Variants in SGK2 observed in about 807,000 individuals in gnomAD.
The protein encoded by SGK2 is serum/glucocorticoid regulated kinase 2.
Under a neutral mutation model 47.5 loss-of-function variants are expected in SGK2, and 36 were observed. That is an observed-to-expected ratio of 0.76 (90% CI 0.58 to 1.00). SGK2 has a LOEUF of 1.00. Ranked by LOEUF, SGK2 falls within the 50% of genes least tolerant of loss-of-function variation. The pLI is 0.00. For synonymous variants in SGK2, 157 were observed against 181.9 expected, an observed-to-expected ratio of 0.86 and a Z score of 1.10; for missense variants, 404 against 467.4, an observed-to-expected ratio of 0.86 and a Z score of 1.25.
intron 12 of SGK2, among the ~76,000 whole-genome samples, chr20:43,582,921 C>T (rs144645563): frequency 6.7e-4 from 102 of 152,236 alleles, no homozygotes; most frequent in African/African-American, 2.2e-3. Flanking sequence ...GTCTTGAACT[C>T]CTGACCTCAA....
At chr20:43,581,035 C>T (rs1026715766) in intron 12 of SGK2, among the ~76,000 whole-genome samples, 4 of 151,894 alleles carry the variant, frequency 2.6e-5, no homozygotes, top group African/African-American at 9.7e-5. Context: ...ACCACCATGC[C>T]CGGCTAATTT....
Position 43,572,591 on chromosome 20 carries a change from C to T in SGK2, c.597+454C>T, listed in dbSNP as rs146497645. ...ACTCGGGAGGCTGAGGCAGGAGAAT[C>T]GCTTGAATACAGGAGGCAGAGGTTG... is the stretch of plus-strand genomic sequence containing the variant. On this transcript the variant is annotated intron_variant, in intron 9 of 12. Coordinates refer to ENST00000373100, the MANE Select transcript of SGK2 (RefSeq NM_170693.3). This position sits in a 1 kb window ranked among gnomAD's most constrained non-coding sequence, Gnocchi z 4.2. 0.018 allele frequency among the ~76,000 whole-genome samples: 2,732 copies of T among 152,148 alleles called. 91 individuals carry two copies. The highest frequency in any genetic ancestry group is 0.063 in the African/African-American group (2,599 of 41,494).
At chr20:43,566,595 C>A in intron 2 of SGK2, 64 bp downstream of exon 2, 2 of 1,184,818 alleles carry the variant, frequency 1.7e-6, no homozygotes, top group Non-Finnish European at 2.5e-6. Context: ...CTAAGGAAAT[C>A]TGTGGGTCCC....
At chr20:43,584,793 G>C (rs1980999959) in intron 12 of SGK2, 59 bp from the exon 13 acceptor site, 1 of 1,430,716 alleles carries the variant, frequency 7.0e-7, no homozygotes, top group Admixed American at 1.8e-5. Flanking sequence ...TGAGGATCTG[G>C]GCTCCTTTGG....
At chr20:43,576,647 G>A (rs1048342243) in intron 11 of SGK2, among the ~76,000 whole-genome samples, 1 of 152,196 alleles carries the variant, frequency 6.6e-6, no homozygotes, top group Non-Finnish European at 1.5e-5. Flanking sequence ...CCCTTATTAA[G>A]TTTGGGGTGG....
intron 11 of SGK2, 110 bp from the exon 12 acceptor site, chr20:43,579,862 C>A: frequency 1.3e-6 from 1 of 761,484 alleles, no homozygotes; most frequent in Non-Finnish European, 2.4e-6. Context: ...AAGTTAATTT[C>A]CAGTTGACAG....
At chr20:43,579,347 AACCAGCCC>A (rs1320036678) in intron 11 of SGK2, among the ~76,000 whole-genome samples, 1 of 152,106 alleles carries the variant, frequency 6.6e-6, no homozygotes, top group Non-Finnish European at 1.5e-5. Flanking sequence ...CTGGGTTGTT[AACCAGCCC>A]ACTGGGGTTC....
intron 12 of SGK2, among the ~76,000 whole-genome samples, chr20:43,583,937 G>A (rs1980948304): frequency 6.6e-6 from 1 of 152,162 alleles, no homozygotes; most frequent in African/African-American, 2.4e-5. Context: ...ACTCCAGCCT[G>A]GGTGATGGGC....
At chr20:43,574,863 TGA>T (rs747122095) in intron 9 of SGK2, 44 bp from the exon 10 acceptor site, 2 of 1,483,300 alleles carry the variant, frequency 1.3e-6, no homozygotes, top group African/African-American at 2.8e-5. Flanking sequence ...CTGGGGCAAC[TGA>T]GGCTTAACGA....
chr20:43,559,455 C>T (rs546020194), intron 1 of SGK2, among the ~76,000 whole-genome samples: 4 of 152,114 alleles, frequency 2.6e-5, no homozygotes, highest in African/African-American at 9.7e-5. Context: ...AATTCCAGGC[C>T]GTGGGCTTTG....
rs148340643 is a variant in SGK2 at position 43,570,168 on chromosome 20, C to T, written c.361-449C>T. Among the ~76,000 whole-genome samples the T allele has an allele frequency of 2.2e-3, 332 of 152,268 alleles. 1 individual carries two copies. Among genetic ancestry groups the T allele is most frequent in the African/African-American group, 7.5e-3 (311 of 41,552 alleles). ...TCTAACCTGAGCTCAGTCTGACAGCCGTATCATCATATCGCCTGGATTGAT... is the reference window on the plus strand; with the variant it reads ...TCTAACCTGAGCTCAGTCTGACAGCTGTATCATCATATCGCCTGGATTGAT... On this transcript the variant is annotated intron_variant, in intron 6 of 12. Transcript: ENST00000373100.
chr20:43,566,691 G>A (rs369041334), intron 2 of SGK2, among the ~76,000 whole-genome samples, 160 bp downstream of exon 2: 56 of 152,262 alleles, frequency 3.7e-4, no homozygotes, highest in African/African-American at 1.3e-3. Flanking sequence ...TTTGAAATAG[G>A]GCTTCAAGAT....
At chr20:43,566,906 G>GGGAA in intron 2 of SGK2, among the ~76,000 whole-genome samples, 162 bp from the exon 3 acceptor site, 1 of 140,518 alleles carries the variant, frequency 7.1e-6, no homozygotes, top group Non-Finnish European at 1.5e-5. Context: ...GAAGGAGGGA[G>GGGAA]GGAGGGAGGG....
chr20:43,581,118 G>A (rs1315462649), intron 12 of SGK2, among the ~76,000 whole-genome samples: 16 of 151,878 alleles, frequency 1.1e-4, no homozygotes, highest in Admixed American at 3.3e-4. Context: ...CTCGTGATCC[G>A]CCCGCCTCGG....
At chr20:43,569,082 G>A (rs62224802) in intron 5 of SGK2, among the ~76,000 whole-genome samples, 2 of 152,248 alleles carry the variant, frequency 1.3e-5, no homozygotes, top group East Asian at 1.9e-4. Context: ...TAGGAACTCA[G>A]TTATGTAGGC....
intron 2 of SGK2, 84 bp downstream of exon 2, chr20:43,566,615 C>A: frequency 1.0e-6 from 1 of 986,618 alleles, no homozygotes; most frequent in Non-Finnish European, 1.6e-6. Context: ...CAGACAATGT[C>A]AGGGGCTGAG....
At chr20:43,582,619 C>T (rs1357075966) in intron 12 of SGK2, among the ~76,000 whole-genome samples, 8 of 151,614 alleles carry the variant, frequency 5.3e-5, no homozygotes, top group African/African-American at 1.5e-4. Flanking sequence ...AACTCCTGAC[C>T]TCAAGTGATC....
At chr20:43,575,669 A>C (rs575966900) in intron 10 of SGK2, among the ~76,000 whole-genome samples, 1 of 152,086 alleles carries the variant, frequency 6.6e-6, no homozygotes, top group Non-Finnish European at 1.5e-5. Flanking sequence ...AGGTAGAGGC[A>C]TGTGTAGATT....
At position 43,574,110 on chromosome 20, in the gene SGK2, G is replaced by A. The variant is rs182232358; in HGVS notation, c.598-799G>A. Among the ~76,000 whole-genome samples, 100 of 152,276 alleles carry A rather than the reference G, an allele frequency of 6.6e-4. No individual in the cohort carries two copies. The East Asian group carries it at 0.019, about 28-fold the overall frequency. On this transcript the variant is annotated intron_variant, in intron 9 of 12. Transcript: ENST00000373100. ...CTGAGAGGTTAAATGCCCTGCCTGA[G>A]ACCACGTACCAACCACGGCTCAGGT...
Sources: allele counts gnomAD v4.1 joint callset (sites outside exome capture counted in the v4.1 genomes callset), GRCh38; gene constraint gnomAD v4.1.1; non-coding constraint Gnocchi (gnomAD v3.1); transcripts MANE v1.5; gene names NCBI Gene and HGNC (gene_info 2026-07-23, HGNC 2026-07-21).